MYO10: variants seen among roughly 807,000 people sequenced by gnomAD.
The protein encoded by MYO10 is unconventional myosin-X.
A neutral mutation model predicts 257.3 loss-of-function variants in MYO10; 133 were observed. The observed-to-expected ratio is 0.52, with a 90% confidence interval of 0.45 to 0.60. The LOEUF (loss-of-function observed/expected upper bound fraction) is 0.60, where lower values mean the gene tolerates loss of function less well. Ranked by LOEUF, MYO10 falls within the 20% of genes least tolerant of loss-of-function variation. The probability of loss-of-function intolerance (pLI) is 0.00; values close to 1 mark genes in which losing one functional copy is unlikely to be tolerated. For missense variants in MYO10, 2,399 were observed against 2,635.7 expected, an observed-to-expected ratio of 0.91 and a Z score of 1.97; for synonymous variants, 1,104 against 1,028.6, an observed-to-expected ratio of 1.07 and a Z score of -1.40.
At position 16,665,938 on chromosome 5, in the gene MYO10, GGTTT is replaced by G. The variant is rs1736145005; in HGVS notation, c.*750_*753del. ...CAAAGACAGGAAAATCCAGGATTTGGGTTTGTTAATAAAACCACCTTATAAAGTA... is the reference window on the plus strand; with the variant it reads ...CAAAGACAGGAAAATCCAGGATTTGGGTTAATAAAACCACCTTATAAAGTA... On this transcript the variant is annotated 3_prime_UTR_variant, in exon 41 of 41. Transcript: ENST00000513610. 6.6e-6 allele frequency: 1 copy of G among 152,480 alleles called. No individual in the cohort carries two copies. Among genetic ancestry groups the G allele is most frequent in the African/African-American group, 2.4e-5 (1 of 41,390 alleles). The allele number at this position is 152,480 out of a possible 1,614,324, so 9.4% of individuals were successfully genotyped here. A position where few individuals can be genotyped will look rare whatever the true frequency, so the allele number is the denominator to read the frequency against.
chr5:16,728,514 A>G (rs574669935), intron 19 of MYO10, among the ~76,000 whole-genome samples: 3 of 151,380 alleles, frequency 2.0e-5, no homozygotes, highest in Non-Finnish European at 2.9e-5. Flanking sequence ...AATTTTCAAC[A>G]CTGAAAAAAA....
chr5:16,715,622 C>T lies in MYO10; in HGVS notation c.1930-4377G>A, dbSNP rs188334924. Among the ~76,000 whole-genome samples the T allele has an allele frequency of 2.4e-3, 360 of 150,268 alleles. 3 individuals are homozygous for T. The highest frequency in any genetic ancestry group is 3.8e-3 in the Admixed American group (58 of 15,076). Reference sequence around the variant, plus strand: ...GCCTGGGGGTTTCTTTTTGAGGTGACGAAAATGTTCTAAAATTGACTCTGG... The same window carrying T: ...GCCTGGGGGTTTCTTTTTGAGGTGATGAAAATGTTCTAAAATTGACTCTGG... On this transcript the variant is annotated intron_variant, in intron 19 of 40. Coordinates refer to ENST00000513610, the MANE Select transcript of MYO10 (RefSeq NM_012334.3).
chr5:16,673,696 T>C lies in MYO10; in HGVS notation c.5158A>G (p.Thr1720Ala). The change falls in exon 36 of 41, where the codon ACC (threonine) becomes GCC (alanine). Residue 1720 changes from threonine (T) to alanine (A), a missense_variant. Thr to Ala is a moderately conservative substitution (Grantham distance 58, BLOSUM62 0). Transcript: ENST00000513610. ...CCTCTCCTCACCTCCCCAGCGGTGG[T>C]GTGGGAGTTGATGGTGATCTTGCAG... ...GSCKITINSH[T>A]TAGEVVEKLI... is the part of the protein sequence containing the mutation. 6.2e-7 allele frequency: 1 copy of C among 1,613,506 alleles called. No homozygotes were observed. The highest frequency in any genetic ancestry group is 8.5e-7 in the Non-Finnish European group (1 of 1,179,680).
intron 19 of MYO10, chr5:16,713,599 T>C (rs1180733469): frequency 5.8e-6 from 4 of 692,688 alleles, no homozygotes; most frequent in Non-Finnish European, 7.1e-6. Context: ...CAGGCTCCCA[T>C]TGCGATTGTG....
intron 1 of MYO10, among the ~76,000 whole-genome samples, chr5:16,924,740 A>G (rs2126803707): frequency 6.6e-6 from 1 of 152,200 alleles, no homozygotes; most frequent in Non-Finnish European, 1.5e-5. Flanking sequence ...CTCCTCAAAT[A>G]AAGTACAAAT....
At chr5:16,826,456 A>C (rs1743002728) in intron 2 of MYO10, among the ~76,000 whole-genome samples, 1 of 152,194 alleles carries the variant, frequency 6.6e-6, no homozygotes, top group Non-Finnish European at 1.5e-5. Context: ...CTATCAGGGG[A>C]ACAGAATACA....
intron 2 of MYO10, among the ~76,000 whole-genome samples, chr5:16,834,971 A>T (rs1177134794): frequency 6.6e-6 from 1 of 152,068 alleles, no homozygotes; most frequent in Non-Finnish European, 1.5e-5. Flanking sequence ...GTCAGGAGTT[A>T]AAGACTAGCC....
Position 16,729,698 on chromosome 5 carries a change from C to T in MYO10, c.1930-18453G>A, listed in dbSNP as rs558612739. Among the ~76,000 whole-genome samples, 36 of 152,266 alleles carry T rather than the reference C, an allele frequency of 2.4e-4. No homozygotes were observed. In the East Asian group the frequency reaches 4.6e-3, roughly 20 times the overall value. On this transcript the variant is annotated intron_variant, in intron 19 of 40. Coordinates refer to ENST00000513610, the MANE Select transcript of MYO10 (RefSeq NM_012334.3). ...TGACCTTGTGATCCACCCGCCTCGG[C>T]CTCCCAAAGTGCTGGGATCACAGGC... is the stretch of plus-strand genomic sequence containing the variant.
intron 35 of MYO10, among the ~76,000 whole-genome samples, chr5:16,674,551 A>G (rs1489190379): frequency 1.4e-5 from 2 of 145,890 alleles, no homozygotes; most frequent in African/African-American, 5.2e-5. Context: ...TTGATCTGGA[A>G]CAAATATCCA....
intron 2 of MYO10, among the ~76,000 whole-genome samples, chr5:16,853,374 A>C (rs79885441): frequency 2.1e-5 from 2 of 94,250 alleles, no homozygotes; most frequent in Non-Finnish European, 5.1e-5. Context: ...ACTCCGTCTC[A>C]AAAAAAAAAA....
chr5:16,752,076 T>C (rs1740392858), intron 19 of MYO10, among the ~76,000 whole-genome samples: 1 of 152,188 alleles, frequency 6.6e-6, no homozygotes, highest in Non-Finnish European at 1.5e-5. Context: ...ACTAACTCTG[T>C]GCCATCCAAG....
intron 19 of MYO10, among the ~76,000 whole-genome samples, chr5:16,730,886 C>T (rs1327756423): frequency 6.6e-6 from 1 of 152,104 alleles, no homozygotes; most frequent in African/African-American, 2.4e-5. Flanking sequence ...GTTAGATGCT[C>T]TCAGTCCTTT....
intron 3 of MYO10, among the ~76,000 whole-genome samples, chr5:16,817,464 G>C (rs1231297098): frequency 6.6e-6 from 1 of 152,100 alleles, no homozygotes; most frequent in Admixed American, 6.6e-5. Flanking sequence ...GAAGTTGAGA[G>C]AAAAATGTGC....
At chr5:16,828,620 CAAAAAAAA>C (rs71595993) in intron 2 of MYO10, among the ~76,000 whole-genome samples, 1 of 85,766 alleles carries the variant, frequency 1.2e-5, no homozygotes, top group Admixed American at 1.2e-4. Context: ...ACTCTGTCTC[CAAAAAAAA>C]AAAAAAAAAA....
intron 2 of MYO10, among the ~76,000 whole-genome samples, chr5:16,844,058 T>A (rs1743560238): frequency 6.6e-6 from 1 of 152,252 alleles, no homozygotes; most frequent in Admixed American, 6.5e-5. Flanking sequence ...CACTCATGAA[T>A]CAGCTGCTGA....
chr5:16,767,913 A>G (rs1740926929), intron 10 of MYO10, among the ~76,000 whole-genome samples: 1 of 152,148 alleles, frequency 6.6e-6, no homozygotes, highest in Non-Finnish European at 1.5e-5. Context: ...CCTGACCTCA[A>G]GTGATCCACC....
intron 19 of MYO10, among the ~76,000 whole-genome samples, chr5:16,727,031 T>C (rs866892419): frequency 3.3e-5 from 5 of 152,228 alleles, no homozygotes; most frequent in East Asian, 1.9e-4. Context: ...CTGGTGCAAA[T>C]TGAGTTGTGC....
intron 2 of MYO10, among the ~76,000 whole-genome samples, chr5:16,863,425 C>T (rs902074146): frequency 6.6e-6 from 1 of 152,108 alleles, no homozygotes; most frequent in African/African-American, 2.4e-5. Context: ...CCTGGTCTCA[C>T]CCATGGATTT....
chr5:16,684,942 G>A (rs563088899), intron 29 of MYO10, among the ~76,000 whole-genome samples: 1 of 152,178 alleles, frequency 6.6e-6, no homozygotes, highest in African/African-American at 2.4e-5. Flanking sequence ...AGCTACTTGG[G>A]AGGCTGAGGC....
Sources: gnomAD v4.1 joint callset for allele counts (sites outside exome capture counted in the v4.1 genomes callset) on GRCh38, gnomAD v4.1.1 for gene constraint, MANE v1.5 for transcripts, NCBI Gene and HGNC (gene_info 2026-07-23, HGNC 2026-07-21) for gene names.